Variants in DPM1 observed in about 807,000 individuals in gnomAD.
DPM1 encodes dolichol-phosphate mannosyltransferase subunit 1.
DPM1 carries 27 observed loss-of-function variants against 39.0 expected under a neutral mutation model. The ratio of observed to expected loss-of-function variants is 0.69; its 90% CI spans 0.51 to 0.95. The LOEUF is 0.95. DPM1 is among the 40% of genes least tolerant of loss of function. The pLI, the probability that DPM1 is intolerant of heterozygous loss-of-function variation, is 0.00. For synonymous variants in DPM1, 124 were observed against 109.0 expected (o/e 1.14, Z -0.86); for missense variants, 307 against 315.6 (o/e 0.97, Z 0.21).
At chr20:50,957,027 A>C (rs1986861690) in intron 1 of DPM1, among the ~76,000 whole-genome samples, 1 of 152,252 alleles carries the variant, frequency 6.6e-6, no homozygotes, top group Admixed American at 6.5e-5. Context: ...AGCAAAAAAA[A>C]AAATTGCAAA....
intron 2 of DPM1, among the ~76,000 whole-genome samples, chr20:50,953,014 G>T (rs186898771): frequency 6.6e-6 from 1 of 152,166 alleles, no homozygotes; most frequent in East Asian, 1.9e-4. Context: ...CCCCAAATGT[G>T]GTATTCATAC....
At chr20:50,950,042 T>C (rs1986496909) in intron 2 of DPM1, among the ~76,000 whole-genome samples, 1 of 152,212 alleles carries the variant, frequency 6.6e-6, no homozygotes, top group Non-Finnish European at 1.5e-5. Flanking sequence ...CTTTTGCTTC[T>C]TTCTCTTTCT....
intron 8 of DPM1, 114 bp from the exon 9 acceptor site, chr20:50,935,350 T>TAA (rs972592618): frequency 1.6e-5 from 11 of 708,256 alleles, no homozygotes; most frequent in Non-Finnish European, 2.8e-5. Context: ...CAGAGGTCCT[T>TAA]AAAGTAAGTA....
chr20:50,939,666 T>C (rs1024686729), intron 7 of DPM1, among the ~76,000 whole-genome samples: 7 of 151,720 alleles, frequency 4.6e-5, no homozygotes, highest in Admixed American at 3.9e-4. Flanking sequence ...CAGGCTGGAG[T>C]GCAGTGGCGC....
rs1568756866 is a variant in DPM1 at position 50,935,244 on chromosome 20, AAAAAAAAAAAAG to A, written c.679-20_679-9del. ...CACAAATGATATTGGAACCTAGTTT[AAAAAAAAAAAAG>A]TAACGTTAGTCTTTAAAAACAATTA... On this transcript the variant is annotated splice_polypyrimidine_tract_variant and intron_variant, in intron 8 of 8. Transcript: ENST00000371588. 1 of 723,836 alleles carries A rather than the reference AAAAAAAAAAAAG, an allele frequency of 1.4e-6. No individual in the cohort carries two copies. 44.8% of individuals were successfully genotyped at this position (723,836 alleles called of 1,614,324 possible).
intron 6 of DPM1, 133 bp from the exon 7 acceptor site, chr20:50,941,066 C>G (rs1489020960): frequency 1.9e-6 from 2 of 1,032,298 alleles, no homozygotes; most frequent in Non-Finnish European, 2.9e-6. Flanking sequence ...TGTTATTTAT[C>G]TAGAACAAAA....
chr20:50,936,435 G>A (rs990450325), intron 7 of DPM1, among the ~76,000 whole-genome samples, 173 bp from the exon 8 acceptor site: 1 of 152,128 alleles, frequency 6.6e-6, no homozygotes, highest in African/African-American at 2.4e-5. Flanking sequence ...AAGCAAGAAA[G>A]GCCATTAAAT....
intron 7 of DPM1, among the ~76,000 whole-genome samples, chr20:50,939,282 A>G (rs574839012): frequency 6.6e-6 from 1 of 152,236 alleles, no homozygotes; most frequent in South Asian, 2.1e-4. Context: ...TGAAATCCAC[A>G]CTGGCCCTTC....
At chr20:50,944,031 C>T (rs772329755) in intron 5 of DPM1, among the ~76,000 whole-genome samples, 17 of 152,102 alleles carry the variant, frequency 1.1e-4, no homozygotes, top group African/African-American at 3.9e-4. Context: ...TGAGCCACTG[C>T]GCCCGGCCAA....
chr20:50,940,330 G>A (rs1985618180), intron 7 of DPM1, among the ~76,000 whole-genome samples: 1 of 151,820 alleles, frequency 6.6e-6, no homozygotes, highest in Non-Finnish European at 1.5e-5. Flanking sequence ...ATTTGCCATG[G>A]TCAGTCACAC....
intron 2 of DPM1, among the ~76,000 whole-genome samples, chr20:50,950,210 C>A (rs1336944196): frequency 2.6e-5 from 4 of 152,172 alleles, no homozygotes; most frequent in Non-Finnish European, 5.9e-5. Context: ...AACAATCTAA[C>A]TCTAACTGCT....
intron 2 of DPM1, among the ~76,000 whole-genome samples, chr20:50,951,321 C>CAAGA (rs1986565514): frequency 6.6e-6 from 1 of 152,046 alleles, no homozygotes; most frequent in South Asian, 2.1e-4. Context: ...CAAAAGATCG[C>CAAGA]CAAGACAGAA....
At chr20:50,950,915 T>G (rs905537485) in intron 2 of DPM1, among the ~76,000 whole-genome samples, 2 of 152,128 alleles carry the variant, frequency 1.3e-5, no homozygotes, top group African/African-American at 4.8e-5. Context: ...TTTGTTACAG[T>G]TGCACACCCC....
rs11469059 is a variant in DPM1 at position 50,940,086 on chromosome 20, T to TTGTGTGTGTGTGTG, written c.563+765_563+778dup. Among the ~76,000 whole-genome samples, 119 of 146,632 alleles carry TTGTGTGTGTGTGTG rather than the reference T, an allele frequency of 8.1e-4. 1 individual carries two copies. The highest frequency in any genetic ancestry group is 2.9e-3 in the African/African-American group (116 of 39,666). On this transcript the variant is annotated intron_variant, in intron 7 of 8. Coordinates refer to ENST00000371588, the MANE Select transcript of DPM1 (RefSeq NM_003859.3). ...TGACTGTCAACAGCCAGGTCCTAAT[T>TTGTGTGTGTGTGTG]TGTGTGTGTGTGTGTGTGTGTGTGT...
intron 7 of DPM1, among the ~76,000 whole-genome samples, chr20:50,936,821 G>A (rs950023684): frequency 5.3e-5 from 8 of 152,180 alleles, no homozygotes; most frequent in South Asian, 2.1e-4. Flanking sequence ...AAACAGGAAC[G>A]AGGCATCACA....
intron 7 of DPM1, among the ~76,000 whole-genome samples, chr20:50,940,426 C>T (rs947052104): frequency 1.3e-5 from 2 of 152,130 alleles, no homozygotes; most frequent in Admixed American, 6.5e-5. Context: ...GGGACCGAAG[C>T]TTTGTCCAAA....
intron 2 of DPM1, among the ~76,000 whole-genome samples, chr20:50,953,374 G>A (rs1187912995): frequency 6.6e-6 from 1 of 152,188 alleles, no homozygotes; most frequent in Admixed American, 6.5e-5. Flanking sequence ...CAGTCTGAAA[G>A]GCTGACAAAG....
At chr20:50,938,805 C>A (rs1433590269) in intron 7 of DPM1, among the ~76,000 whole-genome samples, 2 of 151,446 alleles carry the variant, frequency 1.3e-5, no homozygotes, top group East Asian at 4.0e-4. Context: ...CGTGGAGAAA[C>A]CCCATCTCTA....
chr20:50,957,653 G>A (rs1322500274), intron 1 of DPM1, among the ~76,000 whole-genome samples: 1 of 152,202 alleles, frequency 6.6e-6, no homozygotes, highest in Non-Finnish European at 1.5e-5. Context: ...AACTTCCAAA[G>A]TAATTTGCTA....
Sources: gnomAD v4.1 joint callset for allele counts (sites outside exome capture counted in the v4.1 genomes callset) on GRCh38, gnomAD v4.1.1 for gene constraint, MANE v1.5 for transcripts, NCBI Gene and HGNC (gene_info 2026-07-23, HGNC 2026-07-21) for gene names.